The following CSMD1 variants were observed in gnomAD, a reference collection of about 807,000 sequenced individuals.
CSMD1 encodes the protein CUB and Sushi multiple domains 1, also known as CUB and sushi domain-containing protein 1.
A neutral mutation model predicts 417.5 loss-of-function variants in CSMD1; 213 were observed. The observed-to-expected ratio is 0.51, with a 90% confidence interval of 0.46 to 0.57. The LOEUF (loss-of-function observed/expected upper bound fraction) is 0.57, where lower values mean the gene tolerates loss of function less well. CSMD1 is among the 20% of genes least tolerant of loss of function. The pLI, the probability that CSMD1 is intolerant of heterozygous loss-of-function variation, is 0.00. For missense variants in CSMD1, 6,923 were observed against 4,529.7 expected (o/e 1.53, Z -15.17); for synonymous variants, 2,862 against 1,736.8 (o/e 1.65, Z -16.11).
chr8:3,389,054 T>G (rs1001879046), intron 17 of CSMD1, among the ~76,000 whole-genome samples: 15 of 152,206 alleles, frequency 9.9e-5, no homozygotes, highest in African/African-American at 3.4e-4. Flanking sequence ...TGATTTTTGT[T>G]GTTGTTGTTT....
intron 3 of CSMD1, among the ~76,000 whole-genome samples, chr8:4,074,706 A>G (rs1406882209): frequency 6.6e-6 from 1 of 152,086 alleles, no homozygotes; most frequent in Admixed American, 6.5e-5. Context: ...TGACATTGAG[A>G]TTCCAGACCA....
intron 3 of CSMD1, among the ~76,000 whole-genome samples, chr8:4,332,944 T>TAAA (rs35103998): frequency 0.051 from 7,323 of 143,586 alleles, 250 homozygotes; most frequent in Middle Eastern, 0.15. Context: ...TATAAAAATC[T>TAAA]AAAAAAAAAA....
intron 7 of CSMD1, among the ~76,000 whole-genome samples, chr8:3,633,289 A>C (rs1796872871): frequency 6.6e-6 from 1 of 152,204 alleles, no homozygotes; most frequent in Non-Finnish European, 1.5e-5. Flanking sequence ...TATGTGGAAA[A>C]TGCATACTCA....
intron 3 of CSMD1, among the ~76,000 whole-genome samples, chr8:4,409,948 G>C (rs796299798): frequency 1.3e-5 from 2 of 151,742 alleles, no homozygotes; most frequent in African/African-American, 4.8e-5. Context: ...CAAGTAGCTG[G>C]GATTACAGGC....
intron 7 of CSMD1, among the ~76,000 whole-genome samples, chr8:3,695,674 A>G (rs1257851451): frequency 6.6e-6 from 1 of 152,216 alleles, no homozygotes; most frequent in Non-Finnish European, 1.5e-5. Context: ...TAATGATTAG[A>G]AAGATTCTAG....
intron 2 of CSMD1, among the ~76,000 whole-genome samples, chr8:4,446,936 T>TAA (rs74569596): frequency 0.019 from 2,697 of 141,892 alleles, 89 homozygotes; most frequent in African/African-American, 0.063. Flanking sequence ...CGTGTTTATT[T>TAA]AAAAAAAAAA....
intron 1 of CSMD1, among the ~76,000 whole-genome samples, chr8:4,876,089 C>G (rs6984581): frequency 0.87 from 131,944 of 152,052 alleles, 57,541 homozygotes; most frequent in East Asian, 0.96. Context: ...ATGAGTATAA[C>G]AAAAAAGTAC....
At chr8:3,631,218 G>A (rs1394068846) in intron 7 of CSMD1, among the ~76,000 whole-genome samples, 3 of 152,132 alleles carry the variant, frequency 2.0e-5, no homozygotes, top group Non-Finnish European at 2.9e-5. Flanking sequence ...TTGCTATGTG[G>A]ACAGCACGTA....
chr8:3,916,960 T>C (rs1032948518), intron 5 of CSMD1, among the ~76,000 whole-genome samples: 1 of 152,092 alleles, frequency 6.6e-6, no homozygotes, highest in East Asian at 1.9e-4. Flanking sequence ...TCTCCTCCAA[T>C]TTATTATTTC....
intron 10 of CSMD1, among the ~76,000 whole-genome samples, chr8:3,520,020 CTATA>C (rs33939239): frequency 8.7e-5 from 12 of 137,580 alleles, no homozygotes; most frequent in Non-Finnish European, 1.2e-4. Context: ...GTGTATATAC[CTATA>C]TATATATATA....
chr8:3,920,969 T>C (rs1365695507), intron 5 of CSMD1, among the ~76,000 whole-genome samples: 3 of 152,152 alleles, frequency 2.0e-5, no homozygotes, highest in Non-Finnish European at 4.4e-5. Context: ...GACATGAGGG[T>C]ACTGCTGGCC....
chr8:3,834,000 G>A (rs1170675526), intron 5 of CSMD1, among the ~76,000 whole-genome samples: 1 of 151,978 alleles, frequency 6.6e-6, no homozygotes, highest in African/African-American at 2.4e-5. Context: ...CACTTTTCAG[G>A]TGAATTAAGG....
At chr8:4,480,621 C>G (rs574095862) in intron 2 of CSMD1, among the ~76,000 whole-genome samples, 1 of 152,342 alleles carries the variant, frequency 6.6e-6, no homozygotes, top group East Asian at 1.9e-4. Context: ...GAGAAACAAA[C>G]ACGTCTGTGG....
chr8:4,534,919 C>T (rs867097137), intron 2 of CSMD1, among the ~76,000 whole-genome samples: 6 of 152,090 alleles, frequency 3.9e-5, no homozygotes, highest in Admixed American at 6.6e-5. Context: ...CCTGCCACCA[C>T]GCCCGGCTTA....
chr8:4,208,389 C>T (rs1180148635), intron 3 of CSMD1, among the ~76,000 whole-genome samples: 1 of 152,150 alleles, frequency 6.6e-6, no homozygotes, highest in Non-Finnish European at 1.5e-5. Context: ...AATTGAGTTA[C>T]TGGCCTATTA....
chr8:4,534,310 C>T (rs1383617131), intron 2 of CSMD1, among the ~76,000 whole-genome samples: 2 of 152,200 alleles, frequency 1.3e-5, no homozygotes, highest in Admixed American at 1.3e-4. Flanking sequence ...TATGGCTTTC[C>T]TTTTCTTCCC....
intron 7 of CSMD1, among the ~76,000 whole-genome samples, chr8:3,627,525 T>C (rs1241293993): frequency 6.6e-6 from 1 of 152,202 alleles, no homozygotes; most frequent in Non-Finnish European, 1.5e-5. Flanking sequence ...AGACTACTTT[T>C]AGTATGTTCC....
chr8:3,900,911 C>G (rs539407586), intron 5 of CSMD1, among the ~76,000 whole-genome samples: 2 of 152,310 alleles, frequency 1.3e-5, no homozygotes, highest in African/African-American at 4.8e-5. Flanking sequence ...AGTCCTCGTG[C>G]ATCCAAACAC....
At chr8:3,394,421 A>G (rs538237005) in intron 17 of CSMD1, among the ~76,000 whole-genome samples, 2 of 152,016 alleles carry the variant, frequency 1.3e-5, no homozygotes, top group Non-Finnish European at 2.9e-5. Flanking sequence ...GGATAAACAA[A>G]TGAAATTAGT....
Sources: allele counts gnomAD v4.1 joint callset (sites outside exome capture counted in the v4.1 genomes callset), GRCh38; gene constraint gnomAD v4.1.1; transcripts MANE v1.5; gene names NCBI Gene and HGNC (gene_info 2026-07-23, HGNC 2026-07-21).